Variants in TMEM131 observed in about 807,000 individuals in gnomAD.
The protein encoded by TMEM131 is 2610524E03Rik.
In TMEM131, 66 loss-of-function variants were observed where a neutral mutation model predicts 211.6. The observed-to-expected ratio is 0.31, with a 90% CI of 0.26 to 0.38. The LOEUF is 0.38. TMEM131 is among the 10% of genes least tolerant of loss of function. The pLI is 1.00. For missense variants in TMEM131, 2,036 were observed against 2,299.3 expected, an observed-to-expected ratio of 0.89 and a Z score of 2.34; for synonymous variants, 844 against 841.3, an observed-to-expected ratio of 1.00 and a Z score of -0.06.
chr2:97,909,409 T>A (rs1402318070), intron 2 of TMEM131, among the ~76,000 whole-genome samples: 2 of 152,138 alleles, frequency 1.3e-5, no homozygotes, highest in Non-Finnish European at 2.9e-5. Flanking sequence ...GATAATGCTC[T>A]GCCTTGTAAG....
At position 97,762,550 on chromosome 2, in the gene TMEM131, T is replaced by C; in HGVS notation, c.4724-350A>G. ...TGGGGACCTGGAAAATCCTTGTGCCTACACGCAGGTTTACAGCTGTGGGAG... is the reference window on the plus strand; with the variant it reads ...TGGGGACCTGGAAAATCCTTGTGCCCACACGCAGGTTTACAGCTGTGGGAG... On this transcript the variant is annotated intron_variant, in intron 35 of 40. Transcript: ENST00000186436. 2 of 232,710 alleles carry C rather than the reference T, an allele frequency of 8.6e-6. 1 individual carries two copies. The highest frequency in any genetic ancestry group is 1.0e-4 in the South Asian group (2 of 19,720). The allele number at this position is 232,710 out of a possible 1,614,324, so 14.4% of individuals were successfully genotyped here. A position where few individuals can be genotyped will look rare whatever the true frequency, so the allele number is the denominator to read the frequency against.
At chr2:97,798,352 A>C (rs1680868468) in intron 25 of TMEM131, among the ~76,000 whole-genome samples, 1 of 152,162 alleles carries the variant, frequency 6.6e-6, no homozygotes, top group Admixed American at 6.5e-5. Context: ...ATAAACATCC[A>C]CCAGTTCTTC....
Position 97,796,969 on chromosome 2 carries a change from A to G in TMEM131, c.2888T>C (p.Met963Thr), listed in dbSNP as rs1573375186. 4 of 1,613,480 alleles carry G rather than the reference A, an allele frequency of 2.5e-6. No individual in the cohort carries two copies. In the East Asian group the frequency reaches 8.9e-5, roughly 36 times the overall value. The change falls in exon 27 of 41, where the codon ATG becomes ACG. Residue 963 changes from methionine (M) to threonine (T), a missense_variant. Physicochemically the swap from Met to Thr is moderately conservative, Grantham distance 81. This residue lies in a region of TMEM131 where 1,623 missense variants were observed against 1,805.9 expected (regional missense o/e 0.90). Coordinates refer to ENST00000186436, the MANE Select transcript of TMEM131 (RefSeq NM_015348.2). Reference protein sequence around the residue: ...LIIVRNNLTVMDAVMVQGQGT... With the variant: ...LIIVRNNLTVTDAVMVQGQGT... ...TTGTCCTTGGACCATCACAGCATCC[A>G]TCACAGTCAGGTTATTTCTATGCAA...
chr2:97,813,271 A>G (rs1394146647), intron 15 of TMEM131, among the ~76,000 whole-genome samples: 3 of 152,232 alleles, frequency 2.0e-5, no homozygotes, highest in Non-Finnish European at 4.4e-5. Context: ...CTGAAACAAA[A>G]TAACTGAAGC....
chr2:97,781,945 C>T (rs538921953), intron 31 of TMEM131, among the ~76,000 whole-genome samples: 5 of 152,342 alleles, frequency 3.3e-5, no homozygotes, highest in African/African-American at 1.2e-4. Context: ...GCCATATCCA[C>T]CCATGCCAAC....
At position 97,840,549 on chromosome 2, in the gene TMEM131, C is replaced by T. The variant is rs1201324960; in HGVS notation, c.723+1266G>A. Among the ~76,000 whole-genome samples, 4 of 152,224 alleles carry T rather than the reference C, an allele frequency of 2.6e-5. No individual in the cohort carries two copies. The East Asian group carries it at 7.7e-4, about 29-fold the overall frequency. ...AGGCTGCAGTGAACCATGACCGTGCCACTGCACTCCAGTTTGAGTGACAGA... is the reference window on the plus strand; with the variant it reads ...AGGCTGCAGTGAACCATGACCGTGCTACTGCACTCCAGTTTGAGTGACAGA... On this transcript the variant is annotated intron_variant, in intron 7 of 40. Coordinates refer to ENST00000186436, the MANE Select transcript of TMEM131 (RefSeq NM_015348.2).
At chr2:97,758,357 T>C (rs1455735741) in intron 40 of TMEM131, among the ~76,000 whole-genome samples, 1 of 152,252 alleles carries the variant, frequency 6.6e-6, no homozygotes, top group Non-Finnish European at 1.5e-5. Context: ...CCACTAATTA[T>C]TTTCCTTGGC....
intron 25 of TMEM131, among the ~76,000 whole-genome samples, chr2:97,798,609 G>A (rs1006114161): frequency 3.9e-5 from 6 of 152,228 alleles, no homozygotes; most frequent in East Asian, 1.9e-4. Context: ...CCAAATCTGC[G>A]ATTTTTCAAG....
At chr2:97,816,352 A>C (rs959504838) in intron 12 of TMEM131, among the ~76,000 whole-genome samples, 1 of 152,174 alleles carries the variant, frequency 6.6e-6, no homozygotes, top group Non-Finnish European at 1.5e-5. Flanking sequence ...AAAAAACAAA[A>C]ATTAAAAAAT....
chr2:97,829,000 C>T (rs1682527318), intron 11 of TMEM131, among the ~76,000 whole-genome samples: 1 of 152,236 alleles, frequency 6.6e-6, no homozygotes, highest in Admixed American at 6.5e-5. Context: ...CTAACAACTT[C>T]TACCAAGGAC....
intron 39 of TMEM131, 110 bp downstream of exon 39, chr2:97,759,542 C>G (rs1198403087): frequency 3.3e-6 from 3 of 913,028 alleles, no homozygotes; most frequent in Non-Finnish European, 5.1e-6. Context: ...TCCTGCGGGG[C>G]CTCTTCCACA....
At chr2:97,893,108 T>C in intron 3 of TMEM131, among the ~76,000 whole-genome samples, 1 of 152,198 alleles carries the variant, frequency 6.6e-6, no homozygotes, top group South Asian at 2.1e-4. Flanking sequence ...GTTCTCATTG[T>C]TCAACTCCCA....
At chr2:97,803,181 G>A (rs1040072692) in intron 22 of TMEM131, among the ~76,000 whole-genome samples, 2 of 152,166 alleles carry the variant, frequency 1.3e-5, no homozygotes, top group Admixed American at 6.5e-5. Context: ...ATGATGTTAC[G>A]CAGATCCTAA....
chr2:97,936,136 T>C (rs1178772152), intron 1 of TMEM131, among the ~76,000 whole-genome samples: 1 of 152,172 alleles, frequency 6.6e-6, no homozygotes, highest in East Asian at 1.9e-4. Context: ...GCCTCGACCC[T>C]GGTAACAGTT....
At chr2:97,825,891 T>C (rs774194711) in intron 11 of TMEM131, among the ~76,000 whole-genome samples, 4 of 152,204 alleles carry the variant, frequency 2.6e-5, no homozygotes, top group Non-Finnish European at 4.4e-5. Flanking sequence ...GTAAATGGCA[T>C]AGTAGGTGCC....
At chr2:97,865,598 T>C (rs569301390) in intron 4 of TMEM131, among the ~76,000 whole-genome samples, 31 of 152,236 alleles carry the variant, frequency 2.0e-4, no homozygotes, top group Non-Finnish European at 4.1e-4. Flanking sequence ...TTGAGATAAA[T>C]GTCACTTGGT....
At chr2:97,982,677 G>A (rs572605392) in intron 1 of TMEM131, among the ~76,000 whole-genome samples, 30 of 152,130 alleles carry the variant, frequency 2.0e-4, no homozygotes, top group Non-Finnish European at 3.4e-4. Flanking sequence ...ACCTTACATG[G>A]CAAAAGGAAT....
chr2:97,966,221 C>A (rs567658139), intron 1 of TMEM131, among the ~76,000 whole-genome samples: 1 of 151,794 alleles, frequency 6.6e-6, no homozygotes, highest in South Asian at 2.1e-4. Flanking sequence ...TCTCTGCTCA[C>A]TGCAACATAA....
intron 3 of TMEM131, among the ~76,000 whole-genome samples, chr2:97,897,788 T>C (rs1177896883): frequency 6.6e-6 from 1 of 152,164 alleles, no homozygotes. Flanking sequence ...TATGTAAGAC[T>C]AGTAATTTTT....
Sources: gnomAD v4.1 joint callset for allele counts (sites outside exome capture counted in the v4.1 genomes callset) on GRCh38, gnomAD v4.1.1 for gene constraint, gnomAD v4.1.1 regional missense constraint, MANE v1.5 for transcripts, NCBI Gene and HGNC (gene_info 2026-07-23, HGNC 2026-07-21) for gene names.